XYLT1: variants seen among roughly 807,000 people sequenced by gnomAD.
XYLT1 encodes the protein xylosyltransferase 1.
Under a neutral mutation model 91.3 loss-of-function variants are expected in XYLT1, and 36 were observed. The ratio of observed to expected loss-of-function variants is 0.39; its 90% confidence interval spans 0.30 to 0.52. XYLT1 has a LOEUF of 0.52. Among genes scored for constraint, XYLT1 ranks in the 20% least tolerant of loss-of-function variants. The pLI is 0.68. For synonymous variants in XYLT1, 588 were observed against 532.0 expected (o/e 1.11, Z -1.45); for missense variants, 1,242 against 1,284.5 (o/e 0.97, Z 0.51).
intron 2 of XYLT1, among the ~76,000 whole-genome samples, chr16:17,305,667 G>A (rs187126169): frequency 5.3e-5 from 8 of 152,006 alleles, no homozygotes; most frequent in African/African-American, 1.9e-4. Context: ...CTCCACCACC[G>A]CCTCCCAAAG....
intron 9 of XYLT1, among the ~76,000 whole-genome samples, chr16:17,133,186 C>G (rs1390752366): frequency 6.6e-6 from 1 of 152,040 alleles, no homozygotes; most frequent in Non-Finnish European, 1.5e-5. Flanking sequence ...AGTGTCACAG[C>G]CCTGCGGAAA....
chr16:17,196,960 A>G (rs971586123), intron 5 of XYLT1, among the ~76,000 whole-genome samples: 9 of 149,238 alleles, frequency 6.0e-5, no homozygotes, highest in Non-Finnish European at 1.0e-4. Context: ...GCAGCGAGCT[A>G]AGATCACACC....
intron 2 of XYLT1, among the ~76,000 whole-genome samples, chr16:17,267,210 T>C (rs528503920): frequency 1.8e-4 from 28 of 152,300 alleles, no homozygotes; most frequent in African/African-American, 6.5e-4. Flanking sequence ...CAGAGCCTCA[T>C]TTTTCTCATC....
At chr16:17,263,214 C>T (rs2033749266) in intron 2 of XYLT1, among the ~76,000 whole-genome samples, 1 of 152,218 alleles carries the variant, frequency 6.6e-6, no homozygotes. Flanking sequence ...CTCCTGTTCT[C>T]CATCACTTTC....
In XYLT1 at chr16:17,240,459, G is replaced by A. The variant is rs539779820; in HGVS notation, c.913+18529C>T. Among the ~76,000 whole-genome samples, 10 of 152,262 alleles carry A rather than the reference G, an allele frequency of 6.6e-5. No individual in the cohort carries two copies. The East Asian group carries it at 1.5e-3, about 24-fold the overall frequency. ...GATTCACTTGGGAGAGGCAGGGAGC[G>A]GGTATGAGACGCAGATGTGAGCAGG... On this transcript the variant is annotated intron_variant, in intron 3 of 11. Transcript: ENST00000261381.
chr16:17,127,364 T>A (rs898585278), intron 10 of XYLT1, among the ~76,000 whole-genome samples: 1 of 152,124 alleles, frequency 6.6e-6, no homozygotes, highest in African/African-American at 2.4e-5. Flanking sequence ...CTCCATTCGG[T>A]AAAATGGGAC....
chr16:17,423,555 C>G (rs1360031075), intron 1 of XYLT1, among the ~76,000 whole-genome samples: 2 of 152,122 alleles, frequency 1.3e-5, no homozygotes, highest in African/African-American at 4.8e-5. Context: ...TCCCTACAAC[C>G]TCACTCCCCT....
At chr16:17,158,765 T>A (rs1265410922) in intron 6 of XYLT1, 64 bp downstream of exon 6, 6 of 1,572,034 alleles carry the variant, frequency 3.8e-6, no homozygotes, top group Non-Finnish European at 5.3e-6. Context: ...GCCTAGAAAA[T>A]TCCCCAAATG....
At chr16:17,460,322 T>C (rs1031470264) in intron 1 of XYLT1, among the ~76,000 whole-genome samples, 4 of 152,212 alleles carry the variant, frequency 2.6e-5, no homozygotes, top group African/African-American at 9.6e-5. Context: ...GAAACAGGTT[T>C]ATCAAATTGC....
intron 1 of XYLT1, among the ~76,000 whole-genome samples, chr16:17,453,659 A>G (rs920883072): frequency 1.3e-5 from 2 of 152,244 alleles, no homozygotes; most frequent in Non-Finnish European, 2.9e-5. Context: ...CAGAGTTTCA[A>G]TGTAAAATGA....
At chr16:17,180,857 C>A (rs935372298) in intron 5 of XYLT1, among the ~76,000 whole-genome samples, 2 of 152,136 alleles carry the variant, frequency 1.3e-5, no homozygotes, top group South Asian at 2.1e-4. Context: ...GAAGACTTTG[C>A]TCTCTGCGTT....
chr16:17,198,282 C>G lies in XYLT1; in HGVS notation c.1219G>C (p.Asp407His). 2.5e-6 allele frequency: 4 copies of G among 1,614,160 alleles called. No individual in the cohort carries two copies. The South Asian group carries it at 4.4e-5, about 18-fold the overall frequency. ...LLSTYLQSMR[D>H]LLEMTDWPWD... ...GGCCAGTCGGTCATCTCCAGGAGGT[C>G]CCGCATGCTCTGCAGGTAGGTGGAC... The change falls in exon 5 of 12, where the codon GAC becomes CAC. Residue 407 changes from aspartate to histidine, a missense_variant. Asp to His is a moderately conservative substitution (Grantham distance 81, BLOSUM62 -1). Around this residue, in one of 3 missense-constraint regions of XYLT1, gnomAD observed 294 missense variants for 376.0 expected, o/e 0.78. Coordinates refer to ENST00000261381, the MANE Select transcript of XYLT1 (RefSeq NM_022166.4).
intron 2 of XYLT1, among the ~76,000 whole-genome samples, chr16:17,319,454 T>TG: frequency 6.6e-6 from 1 of 152,146 alleles, no homozygotes; most frequent in African/African-American, 2.4e-5. Flanking sequence ...CAGGAATTTT[T>TG]TTTTTTTTTG....
chr16:17,140,018 A>G (rs548946750), intron 7 of XYLT1, among the ~76,000 whole-genome samples: 1 of 152,292 alleles, frequency 6.6e-6, no homozygotes, highest in Admixed American at 6.5e-5. Flanking sequence ...GAGAAATGCC[A>G]TAGACTCAAT....
chr16:17,402,958 A>G (rs140825965), intron 1 of XYLT1, among the ~76,000 whole-genome samples: 1 of 151,474 alleles, frequency 6.6e-6, no homozygotes, highest in African/African-American at 2.4e-5. Flanking sequence ...CAGGATGGAT[A>G]TACCCTATTT....
At chr16:17,147,363 G>C (rs908057271) in intron 6 of XYLT1, among the ~76,000 whole-genome samples, 1 of 152,206 alleles carries the variant, frequency 6.6e-6, no homozygotes, top group Non-Finnish European at 1.5e-5. Flanking sequence ...GACAGACAGA[G>C]AAGAAATACA....
chr16:17,248,100 G>A (rs2033472134), intron 3 of XYLT1, among the ~76,000 whole-genome samples: 1 of 152,180 alleles, frequency 6.6e-6, no homozygotes, highest in Non-Finnish European at 1.5e-5. Context: ...GAGGAACCTG[G>A]TGGGAGGTAA....
chr16:17,269,861 G>A (rs1213563428), intron 2 of XYLT1, among the ~76,000 whole-genome samples: 3 of 149,740 alleles, frequency 2.0e-5, no homozygotes, highest in Non-Finnish European at 4.4e-5. Flanking sequence ...GCCTAGGCTG[G>A]AGTGCAATGG....
Position 17,344,352 on chromosome 16 carries a change from G to T in XYLT1, c.402+13660C>A, listed in dbSNP as rs1402081463. 2.0e-5 allele frequency among the ~76,000 whole-genome samples: 3 copies of T among 151,556 alleles called. No homozygotes were observed. The East Asian group carries it at 5.9e-4, about 30-fold the overall frequency. On this transcript the variant is annotated intron_variant, in intron 2 of 11. Transcript: ENST00000261381. The stretch of plus-strand genomic sequence containing the variant: ...CAAAAAAAAAAAAAAAATTAGCCGG[G>T]CGTGGTGGCGGGCGCCTGTAGTCCC...
Sources: allele counts gnomAD v4.1 joint callset (sites outside exome capture counted in the v4.1 genomes callset), GRCh38; gene constraint gnomAD v4.1.1; regional missense constraint gnomAD v4.1.1; transcripts MANE v1.5; gene names NCBI Gene and HGNC (gene_info 2026-07-23, HGNC 2026-07-21).